The following PLP1 variants were observed in gnomAD, a reference collection of about 807,000 sequenced individuals.
PLP1 encodes myelin proteolipid protein.
PLP1 carries 2 observed loss-of-function variants against 18.5 expected under a neutral mutation model. That is an observed-to-expected ratio of 0.11 (90% CI 0.04 to 0.34). The LOEUF (loss-of-function observed/expected upper bound fraction) is 0.34. PLP1 is among the 10% of genes least tolerant of loss of function. PLP1 has a pLI of 1.00. For missense variants in PLP1, 105 were observed against 207.3 expected (o/e 0.51, Z 3.03); for synonymous variants, 86 against 83.2 (o/e 1.03, Z -0.19).
intron 1 of PLP1, among the ~76,000 whole-genome samples, chrX:103,779,212 A>C (rs2074433283): frequency 8.9e-6 from 1 of 112,455 alleles, no homozygotes; most frequent in African/African-American, 3.2e-5. Flanking sequence ...GCTCTGAAAC[A>C]CAATGCCATT....
chrX:103,785,431 G>C, intron 1 of PLP1, 151 bp from the exon 2 acceptor site: 1 of 511,798 alleles, frequency 2.0e-6, no homozygotes, highest in South Asian at 2.8e-5. Context: ...AATCTCACAT[G>C]CTGAAAGCCA....
intron 1 of PLP1, among the ~76,000 whole-genome samples, chrX:103,782,947 C>A (rs1264513270): frequency 8.9e-6 from 1 of 112,183 alleles, no homozygotes; most frequent in Non-Finnish European, 1.9e-5. Flanking sequence ...GGGTCACTGA[C>A]CTTCTTCTCC....
chrX:103,785,513 G>T lies in PLP1; in HGVS notation c.5-69G>T, dbSNP rs569409948. The T allele has an allele frequency of 3.6e-5, 34 of 941,872 alleles. No homozygotes were observed. In the East Asian group the frequency reaches 1.0e-3, roughly 29 times the overall value. The allele number at this position is 941,872 out of a possible 1,213,427, so 77.6% of individuals were successfully genotyped here. A position where few individuals can be genotyped will look rare whatever the true frequency, so the allele number is the denominator to read the frequency against. ...TCCGAGCCTGTGAGCACAGGGCCTG[G>T]CAGAGGGGTTTGAGTGGCATGAGCT... is the stretch of plus-strand genomic sequence containing the variant. On this transcript the variant is annotated intron_variant, in intron 1 of 6. Coordinates refer to ENST00000621218, the MANE Select transcript of PLP1 (RefSeq NM_000533.5).
intron 1 of PLP1, among the ~76,000 whole-genome samples, chrX:103,784,378 G>T (rs1017942234): frequency 8.9e-6 from 1 of 111,786 alleles, no homozygotes; most frequent in Non-Finnish European, 1.9e-5. Context: ...ATAACTGAGG[G>T]TGGGGACATT....
chrX:103,790,927 C>T lies in PLP1; in HGVS notation c.*329C>T, dbSNP rs1281402201. 1 of 292,530 alleles carries T rather than the reference C, an allele frequency of 3.4e-6. No homozygotes were observed. The highest frequency in any genetic ancestry group is 6.1e-6 in the Non-Finnish European group (1 of 164,916). 24.1% of individuals were successfully genotyped at this position (292,530 alleles called of 1,213,427 possible). On this transcript the variant is annotated 3_prime_UTR_variant, in exon 7 of 7. Transcript: ENST00000621218. ...TCTCCTGAGGATCAGAAAGTAATTT[C>T]TTCTCAAAGGGTACTTCCACTGATG...
At chrX:103,788,581 A>G in intron 5 of PLP1, 71 bp downstream of exon 5, 1 of 808,412 alleles carries the variant, frequency 1.2e-6, no homozygotes, top group Non-Finnish European at 1.9e-6. Flanking sequence ...ATGGCCTTCA[A>G]TTTTAAGGAC....
At chrX:103,783,328 T>A (rs2074469029) in intron 1 of PLP1, among the ~76,000 whole-genome samples, 1 of 112,670 alleles carries the variant, frequency 8.9e-6, no homozygotes. Flanking sequence ...AAACTCAGCC[T>A]CCACTCACAG....
Position 103,785,565 on chromosome X carries a change from C to T in PLP1, c.5-17C>T, listed in dbSNP as rs760717297. 14 of 1,202,074 alleles carry T rather than the reference C, an allele frequency of 1.2e-5. No homozygotes were observed. The highest frequency in any genetic ancestry group is 1.6e-5 in the Non-Finnish European group (14 of 887,517). On this transcript the variant is annotated splice_polypyrimidine_tract_variant and intron_variant, in intron 1 of 6. Transcript: ENST00000621218. ...CCTACTGGATGTGCCTGACTGTTTC[C>T]CCTTCTTCTTCCCCAGGCTTGTTAG...
In PLP1 at chrX:103,791,960, C is replaced by G. The variant is rs2074548382; in HGVS notation, c.*1362C>G. On this transcript the variant is annotated 3_prime_UTR_variant, in exon 7 of 7. Coordinates refer to ENST00000621218, the MANE Select transcript of PLP1 (RefSeq NM_000533.5). ...TTGGTGTGTTAAGAGTTAGGTTTAA[C>G]ATAAAGGTTATTTTCTCCTGATATA... The G allele has an allele frequency of 9.0e-6, 1 of 111,727 alleles. No individual in the cohort carries two copies. The highest frequency in any genetic ancestry group is 9.5e-5 in the Admixed American group (1 of 10,535). 9.2% of individuals were successfully genotyped at this position (111,727 alleles called of 1,213,427 possible).
chrX:103,788,556 A>G, intron 5 of PLP1, 46 bp downstream of exon 5: 1 of 953,522 alleles, frequency 1.0e-6, no homozygotes, highest in Non-Finnish European at 1.5e-6. Flanking sequence ...AGCTAATACC[A>G]TACAAATTAC....
At chrX:103,780,685 A>G (rs2074446347) in intron 1 of PLP1, 1 of 111,747 alleles carries the variant, frequency 8.9e-6, no homozygotes, top group Non-Finnish European at 1.9e-5. Context: ...CTGATATCAA[A>G]AGGGATATGT....
At chrX:103,788,243 C>T (rs1204446590) in intron 4 of PLP1, among the ~76,000 whole-genome samples, 194 bp from the exon 5 acceptor site, 2 of 111,898 alleles carry the variant, frequency 1.8e-5, no homozygotes, top group African/African-American at 6.5e-5. Flanking sequence ...CAATAACAAA[C>T]ACAAGGTTTC....
At chrX:103,781,930 G>A (rs1487149058) in intron 1 of PLP1, among the ~76,000 whole-genome samples, 2 of 111,716 alleles carry the variant, frequency 1.8e-5, no homozygotes, top group African/African-American at 6.5e-5. Context: ...AACCAGGAGG[G>A]GTTCTGAAAT....
chrX:103,786,380 G>A (rs1353382563), intron 2 of PLP1, 85 bp from the exon 3 acceptor site: 2 of 1,078,281 alleles, frequency 1.9e-6, no homozygotes, highest in South Asian at 1.9e-5. Context: ...GCTCGCTCTG[G>A]TGTATACCTC....
At chrX:103,786,038 T>C (rs991978308) in intron 2 of PLP1, 11 of 1,026,354 alleles carry the variant, frequency 1.1e-5, no homozygotes, top group Non-Finnish European at 1.4e-5. Context: ...GTGGTTCATA[T>C]TGCCCAAGTT....
rs1602386949 is a variant in PLP1, at chrX:103,790,813, G to C, written c.*215G>C. 26 of 431,519 alleles carry C rather than the reference G, an allele frequency of 6.0e-5. No individual in the cohort carries two copies. In the South Asian group the frequency reaches 9.1e-4, roughly 15 times the overall value. The allele number at this position is 431,519 out of a possible 1,213,427, so 35.6% of individuals were successfully genotyped here. On this transcript the variant is annotated 3_prime_UTR_variant, in exon 7 of 7. Transcript: ENST00000621218. ...TTTTAGTCATTTTGCTTCATAGCTG[G>C]TTCCTGCTAGAAATGGGAAATGCCT...
At chrX:103,781,090 G>A (rs2074449810) in intron 1 of PLP1, 1 of 209,582 alleles carries the variant, frequency 4.8e-6, no homozygotes, top group Admixed American at 5.7e-5. Context: ...AATTGTGCAG[G>A]GTACAATTGG....
At chrX:103,785,548 A>G (rs1201468741) in intron 1 of PLP1, 34 bp from the exon 2 acceptor site, 2 of 1,158,534 alleles carry the variant, frequency 1.7e-6, no homozygotes, top group Admixed American at 4.4e-5. Context: ...TACCTACTGG[A>G]TGTGCCTGAC....
chrX:103,786,271 C>G, intron 2 of PLP1, 194 bp from the exon 3 acceptor site: 1 of 1,089,305 alleles, frequency 9.2e-7, no homozygotes, highest in Non-Finnish European at 1.2e-6. Flanking sequence ...TGTTTCTGGT[C>G]ACATACACCC....
Sources: allele counts gnomAD v4.1 joint callset (sites outside exome capture counted in the v4.1 genomes callset), GRCh38; gene constraint gnomAD v4.1.1; transcripts MANE v1.5; gene names NCBI Gene and HGNC (gene_info 2026-07-23, HGNC 2026-07-21).